Variants in STX18 observed in about 807,000 individuals in gnomAD.
STX18 encodes the protein syntaxin-18.
A neutral mutation model predicts 50.1 loss-of-function variants in STX18; 40 were observed. The ratio of observed to expected loss-of-function variants is 0.80; its 90% CI spans 0.62 to 1.04. The LOEUF is 1.04. Ranked by LOEUF, STX18 falls within the 50% of genes least tolerant of loss-of-function variation. STX18 has a pLI of 0.00. For synonymous variants in STX18, 158 were observed against 151.8 expected, an observed-to-expected ratio of 1.04 and a Z score of -0.30; for missense variants, 410 against 415.8, an observed-to-expected ratio of 0.99 and a Z score of 0.12.
At chr4:4,430,492 T>C (rs1055318135) in intron 7 of STX18, among the ~76,000 whole-genome samples, 5 of 152,230 alleles carry the variant, frequency 3.3e-5, no homozygotes, top group African/African-American at 1.2e-4. Context: ...CCCGATCCTC[T>C]TGCAGTAACA....
intron 5 of STX18, among the ~76,000 whole-genome samples, chr4:4,456,574 C>A (rs559024021): frequency 6.6e-6 from 1 of 152,150 alleles, no homozygotes; most frequent in African/African-American, 2.4e-5. Flanking sequence ...CCTGCTGGAG[C>A]GTCAGCGTCC....
chr4:4,435,360 T>C (rs1173711468), intron 6 of STX18, among the ~76,000 whole-genome samples: 3 of 152,206 alleles, frequency 2.0e-5, no homozygotes, highest in Non-Finnish European at 4.4e-5. Flanking sequence ...ACTGCTTTGA[T>C]GTAGCTTCAT....
rs1283842485 is a variant in STX18 at position 4,422,518 on chromosome 4, A to C, written c.831+1000T>G. The stretch of plus-strand genomic sequence containing the variant: ...TGGGAGGATGAGGTTGCAGTGAGCC[A>C]AGATAGCAACATTGCACTCCAGCCT... On this transcript the variant is annotated intron_variant, in intron 9 of 10. Transcript: ENST00000306200. Among the ~76,000 whole-genome samples, 5 of 151,560 alleles carry C rather than the reference A, an allele frequency of 3.3e-5. No individual in the cohort carries two copies. In the South Asian group the frequency reaches 8.4e-4, roughly 25 times the overall value.
chr4:4,474,948 A>G (rs527695092), intron 1 of STX18, among the ~76,000 whole-genome samples: 2 of 152,382 alleles, frequency 1.3e-5, no homozygotes, highest in African/African-American at 4.8e-5. Context: ...AGAAACTAAT[A>G]CACCTACTAA....
chr4:4,448,408 C>T (rs1189387044), intron 5 of STX18, among the ~76,000 whole-genome samples: 1 of 151,856 alleles, frequency 6.6e-6, no homozygotes, highest in Non-Finnish European at 1.5e-5. Flanking sequence ...GTGGCACGAT[C>T]TCAACTCACC....
At chr4:4,499,546 C>T (rs1729339006) in intron 1 of STX18, 1 of 985,302 alleles carries the variant, frequency 1.0e-6, no homozygotes, top group African/African-American at 1.7e-5. Context: ...AAGCCTAGCA[C>T]TGATTAAAGC....
intron 1 of STX18, among the ~76,000 whole-genome samples, chr4:4,527,369 T>C (rs1298857709): frequency 6.6e-6 from 1 of 152,380 alleles, no homozygotes; most frequent in African/African-American, 2.4e-5. Context: ...TAACATTTTT[T>C]AAAACTTTCT....
intron 5 of STX18, 21 bp from the exon 6 acceptor site, chr4:4,438,530 G>C (rs1725914407): frequency 6.4e-7 from 1 of 1,564,204 alleles, no homozygotes; most frequent in Admixed American, 1.7e-5. Flanking sequence ...ATAATTAGCA[G>C]GCAGGTATTT....
rs552456594 is a variant in STX18 at position 4,419,030 on chromosome 4, A to C, written c.*1004T>G. 1 of 152,246 alleles carries C rather than the reference A, an allele frequency of 6.6e-6. No individual in the cohort carries two copies. Among genetic ancestry groups the C allele is most frequent in the South Asian group, 2.1e-4 (1 of 4,824 alleles). The allele number at this position is 152,246 out of a possible 1,614,324, so 9.4% of individuals were successfully genotyped here. ...ATTTACATGTAACTTCTGACATTTCACTCTGTGCAAATAAAGAACATGAGG... is the reference window on the plus strand; with the variant it reads ...ATTTACATGTAACTTCTGACATTTCCCTCTGTGCAAATAAAGAACATGAGG... On this transcript the variant is annotated 3_prime_UTR_variant, in exon 11 of 11. Coordinates refer to ENST00000306200, the MANE Select transcript of STX18 (RefSeq NM_016930.4).
At chr4:4,477,025 C>T (rs990968293) in intron 1 of STX18, among the ~76,000 whole-genome samples, 2 of 151,840 alleles carry the variant, frequency 1.3e-5, no homozygotes, top group African/African-American at 4.8e-5. Context: ...CATGGCGAAA[C>T]CCCGTCTCTA....
At chr4:4,523,007 A>G (rs1374500671) in intron 1 of STX18, among the ~76,000 whole-genome samples, 1 of 152,234 alleles carries the variant, frequency 6.6e-6, no homozygotes, top group Non-Finnish European at 1.5e-5. Context: ...TGTGCTAAGC[A>G]CTTTCAAGGT....
intron 5 of STX18, among the ~76,000 whole-genome samples, chr4:4,454,506 AGT>A (rs1349797051): frequency 6.6e-6 from 1 of 152,192 alleles, no homozygotes. Flanking sequence ...CTCCCTGGTG[AGT>A]GTGAGACCCA....
chr4:4,475,675 A>G (rs1480696774), intron 1 of STX18, among the ~76,000 whole-genome samples: 4 of 152,226 alleles, frequency 2.6e-5, no homozygotes, highest in Admixed American at 2.6e-4. Flanking sequence ...ACTCAGTCCT[A>G]TTTTTCAGAA....
intron 7 of STX18, among the ~76,000 whole-genome samples, chr4:4,432,123 C>A (rs546518403): frequency 1.3e-5 from 2 of 152,346 alleles, no homozygotes; most frequent in East Asian, 3.9e-4. Flanking sequence ...ACAAAGACAG[C>A]TCTGCTTAGT....
At chr4:4,476,521 G>T (rs1728183776) in intron 1 of STX18, among the ~76,000 whole-genome samples, 2 of 151,998 alleles carry the variant, frequency 1.3e-5, no homozygotes, top group Admixed American at 1.3e-4. Context: ...ATATGTTGGT[G>T]TTTTTTAGTT....
At chr4:4,517,807 C>T (rs1460727119) in intron 1 of STX18, among the ~76,000 whole-genome samples, 4 of 148,282 alleles carry the variant, frequency 2.7e-5, no homozygotes, top group East Asian at 2.0e-4. Flanking sequence ...GATGGAGTCT[C>T]GCTCTGTTGC....
intron 1 of STX18, among the ~76,000 whole-genome samples, chr4:4,532,762 TTCC>T (rs1731160872): frequency 6.6e-6 from 1 of 152,240 alleles, no homozygotes; most frequent in Non-Finnish European, 1.5e-5. Flanking sequence ...CACTTTTTAA[TTCC>T]TTTCTCAATT....
intron 5 of STX18, among the ~76,000 whole-genome samples, chr4:4,454,752 A>G (rs1490436117): frequency 7.2e-5 from 11 of 152,214 alleles, no homozygotes; most frequent in African/African-American, 2.7e-4. Context: ...TGAGATTCAA[A>G]TCTTGATTCA....
intron 2 of STX18, among the ~76,000 whole-genome samples, chr4:4,464,364 A>T (rs745621226): frequency 7.2e-5 from 11 of 152,202 alleles, no homozygotes; most frequent in Non-Finnish European, 1.6e-4. Context: ...TTTCTTTCCA[A>T]ATGGCATTTT....
Sources: allele counts gnomAD v4.1 joint callset (sites outside exome capture counted in the v4.1 genomes callset), GRCh38; gene constraint gnomAD v4.1.1; transcripts MANE v1.5; gene names NCBI Gene and HGNC (gene_info 2026-07-23, HGNC 2026-07-21).